The following HECTD4 variants were observed in gnomAD, a reference collection of about 807,000 sequenced individuals.
HECTD4 encodes HECT domain E3 ubiquitin protein ligase 4.
Under a neutral mutation model 471.5 loss-of-function variants are expected in HECTD4, and 114 were observed. The ratio of observed to expected loss-of-function variants is 0.24; its 90% CI spans 0.21 to 0.28. The LOEUF is 0.28. HECTD4 is among the 10% of genes least tolerant of loss of function. HECTD4 has a pLI of 1.00. For missense variants in HECTD4, 3,866 were observed against 5,651.5 expected, an observed-to-expected ratio of 0.68 and a Z score of 10.13; for synonymous variants, 2,012 against 2,256.0, an observed-to-expected ratio of 0.89 and a Z score of 3.07.
chr12:112,170,661 A>C, intron 68 of HECTD4: 4 of 565,032 alleles, frequency 7.1e-6, no homozygotes, highest in Non-Finnish European at 1.2e-5. Context: ...TCTAGAAACA[A>C]TGCAAACAAA....
intron 55 of HECTD4, among the ~76,000 whole-genome samples, chr12:112,195,334 T>C (rs767963737): frequency 7.2e-5 from 11 of 152,224 alleles, no homozygotes; most frequent in African/African-American, 1.2e-4. Context: ...TGTATGTTCA[T>C]AGTAGCATTA....
At position 112,217,104 on chromosome 12, in the gene HECTD4, G is replaced by T; in HGVS notation, c.7166C>A (p.Ala2389Asp). ...SSHLTSVTFL[A>D]DPSAGGGLPR... Reference sequence around the variant, plus strand: ...CAGGCCTCCCCCAGCGCTGGGGTCAGCCAGGAAGGTGACTGAGGTAAGGTG... The same window carrying T: ...CAGGCCTCCCCCAGCGCTGGGGTCATCCAGGAAGGTGACTGAGGTAAGGTG... Residue 2389 changes from alanine (A) to aspartate (D), a missense_variant, in exon 46 of 76, where the codon GCT (alanine) becomes GAT (aspartate). Transcript: ENST00000682272. 6.3e-7 allele frequency: 1 copy of T among 1,594,582 alleles called. No individual in the cohort carries two copies. Among genetic ancestry groups the T allele is most frequent in the Non-Finnish European group, 8.5e-7 (1 of 1,170,550 alleles).
chr12:112,182,532 T>C (rs754674776), intron 62 of HECTD4, among the ~76,000 whole-genome samples: 7 of 152,214 alleles, frequency 4.6e-5, no homozygotes, highest in Non-Finnish European at 8.8e-5. Context: ...GGGGGACGCA[T>C]GAGCTGTCCT....
At chr12:112,342,151 C>A (rs890566210) in intron 1 of HECTD4, among the ~76,000 whole-genome samples, 1 of 152,164 alleles carries the variant, frequency 6.6e-6, no homozygotes, top group Non-Finnish European at 1.5e-5. Context: ...TTGGTCCTAT[C>A]CCATGATCAG....
rs374900943 is a variant in HECTD4, at chr12:112,194,848, T to C, written c.8749+37A>G. ...ACTGTGCACAGCGCCCGCCTGGTGC[T>C]AAGTTCCAGAGTGACAGCAGCAAAG... On this transcript the variant is annotated intron_variant, in intron 56 of 75. Transcript: ENST00000682272. The surrounding 1 kb of genome is among the most constrained non-coding windows in gnomAD (Gnocchi z 4.6). 4.4e-6 allele frequency: 7 copies of C among 1,575,110 alleles called. No individual in the cohort carries two copies. The highest frequency in any genetic ancestry group is 6.0e-6 in the Non-Finnish European group (7 of 1,157,186).
At chr12:112,261,542 G>T in intron 17 of HECTD4, 113 bp from the exon 18 acceptor site, 2 of 1,118,258 alleles carry the variant, frequency 1.8e-6, no homozygotes, top group Non-Finnish European at 2.6e-6. Flanking sequence ...ATAATGAGGT[G>T]GACAGAATAA....
rs141699550 is a variant in HECTD4, at chr12:112,273,207, A to G, written c.1942+448T>C. ...TATTAGCATAGTTGACTTTAAAGCC[A>G]AAAGATTTTAATATTAACTTAGTAT... On this transcript the variant is annotated intron_variant, in intron 11 of 75. Transcript: ENST00000682272. 2.2e-4 allele frequency among the ~76,000 whole-genome samples: 33 copies of G among 152,322 alleles called. No homozygotes were observed. The East Asian group carries it at 4.4e-3, about 20-fold the overall frequency.
chr12:112,230,016 A>G, intron 40 of HECTD4, 136 bp from the exon 41 acceptor site: 1 of 727,370 alleles, frequency 1.4e-6, no homozygotes, highest in Non-Finnish European at 2.2e-6. Context: ...CCAAAAAACT[A>G]TCAGGTATGG....
At chr12:112,204,363 T>C in intron 53 of HECTD4, 123 bp downstream of exon 53, 1 of 960,878 alleles carries the variant, frequency 1.0e-6, no homozygotes, top group African/African-American at 1.6e-5. Flanking sequence ...TGGAAGAGGT[T>C]AGCCCAGTCG....
chr12:112,313,221 A>G (rs2035405733), intron 3 of HECTD4, 74 bp from the exon 4 acceptor site: 9 of 1,294,928 alleles, frequency 7.0e-6, no homozygotes, highest in Admixed American at 5.8e-5. Context: ...CTGCTACCCC[A>G]AAGAGTAGAA....
intron 1 of HECTD4, among the ~76,000 whole-genome samples, chr12:112,338,384 G>C (rs2035996121): frequency 6.6e-6 from 1 of 152,194 alleles, no homozygotes; most frequent in African/African-American, 2.4e-5. Context: ...ACTTTGCGAG[G>C]CTCAAGTGGG....
intron 62 of HECTD4, among the ~76,000 whole-genome samples, chr12:112,181,319 T>C (rs909099702): frequency 6.6e-6 from 1 of 152,196 alleles, no homozygotes; most frequent in African/African-American, 2.4e-5. Context: ...TGATCATGGA[T>C]ACTTTAATTT....
intron 24 of HECTD4, among the ~76,000 whole-genome samples, chr12:112,250,737 A>T (rs1333825241): frequency 6.6e-6 from 1 of 152,220 alleles, no homozygotes; most frequent in East Asian, 1.9e-4. Flanking sequence ...TTAGACAATA[A>T]TTGTGTTGGA....
At chr12:112,338,290 C>T (rs540939165) in intron 1 of HECTD4, among the ~76,000 whole-genome samples, 1 of 152,198 alleles carries the variant, frequency 6.6e-6, no homozygotes, top group African/African-American at 2.4e-5. Flanking sequence ...TACAAAGACC[C>T]TTTCTCCATA....
In HECTD4 at chr12:112,193,992, C is replaced by T. The variant is rs891936832; in HGVS notation, c.8750-318G>A. ...TGCTTGGATCCAGGGGTTCCCAGAG[C>T]CTGACCTGTCTGACTACTCTGGCCC... On this transcript the variant is annotated intron_variant, in intron 56 of 75. Coordinates refer to ENST00000682272, the MANE Select transcript of HECTD4 (RefSeq NM_001388303.1). This position sits in a 1 kb window ranked among gnomAD's most constrained non-coding sequence, Gnocchi z 5.2. Among the ~76,000 whole-genome samples, 6 of 152,188 alleles carry T rather than the reference C, an allele frequency of 3.9e-5. No individual in the cohort carries two copies. The highest frequency in any genetic ancestry group is 8.8e-5 in the Non-Finnish European group (6 of 68,028).
chr12:112,313,208 T>C (rs1034951710), intron 3 of HECTD4, 61 bp from the exon 4 acceptor site: 14 of 1,418,640 alleles, frequency 9.9e-6, no homozygotes, highest in African/African-American at 8.6e-5. Flanking sequence ...GCAAGAAGTA[T>C]ACCTGCTACC....
Position 112,225,736 on chromosome 12 carries a change from A to G in HECTD4, c.6970+907T>C, listed in dbSNP as rs77469171. The stretch of plus-strand genomic sequence containing the variant: ...TGGATCCTCATTCAAATAAATAAAT[A>G]TAAAAACAAGGATGATCTTTATGGG... On this transcript the variant is annotated intron_variant, in intron 44 of 75. Transcript: ENST00000682272. Among the ~76,000 whole-genome samples the G allele has an allele frequency of 0.055, 8,430 of 152,242 alleles. 1,289 individuals are homozygous for G. In the East Asian group the frequency reaches 0.61, roughly 11 times the overall value.
intron 7 of HECTD4, among the ~76,000 whole-genome samples, chr12:112,305,113 A>G (rs1254848356): frequency 1.3e-5 from 2 of 152,200 alleles, no homozygotes; most frequent in African/African-American, 2.4e-5. Flanking sequence ...GAAATGTTCT[A>G]TATCTTTGCT....
chr12:112,317,956 CAAAAA>C (rs59773169), intron 2 of HECTD4, among the ~76,000 whole-genome samples: 3 of 22,230 alleles, frequency 1.3e-4, no homozygotes, highest in African/African-American at 3.0e-4. Flanking sequence ...GACCCCATCT[CAAAAA>C]AAAAAAAAAA....
Sources: gnomAD v4.1 joint callset for allele counts (sites outside exome capture counted in the v4.1 genomes callset) on GRCh38, gnomAD v4.1.1 for gene constraint, Gnocchi (gnomAD v3.1) non-coding constraint, MANE v1.5 for transcripts, NCBI Gene and HGNC (gene_info 2026-07-23, HGNC 2026-07-21) for gene names.